The following ANKRD6 variants were observed in gnomAD, a reference collection of about 807,000 sequenced individuals.
ANKRD6 encodes the protein ankyrin repeat domain-containing protein 6.
ANKRD6 carries 56 observed loss-of-function variants against 82.3 expected under a neutral mutation model. The ratio of observed to expected loss-of-function variants is 0.68; its 90% CI spans 0.55 to 0.85. The LOEUF (loss-of-function observed/expected upper bound fraction) is 0.85. Among genes scored for constraint, ANKRD6 ranks in the 40% least tolerant of loss-of-function variants. The pLI is 0.00. For missense variants in ANKRD6, 852 were observed against 907.6 expected, an observed-to-expected ratio of 0.94 and a Z score of 0.79; for synonymous variants, 347 against 352.1, an observed-to-expected ratio of 0.99 and a Z score of 0.16.
At chr6:89,454,962 T>G (rs1773323982) in intron 1 of ANKRD6, among the ~76,000 whole-genome samples, 1 of 152,112 alleles carries the variant, frequency 6.6e-6, no homozygotes, top group Non-Finnish European at 1.5e-5. Context: ...TGCCTCAGCC[T>G]CCCGAGTAGC....
At chr6:89,627,751 G>T in intron 14 of ANKRD6, 55 bp downstream of exon 14, 1 of 1,538,148 alleles carries the variant, frequency 6.5e-7, no homozygotes, top group South Asian at 1.1e-5. Context: ...CAGGCCCACT[G>T]AGCTCAGGCA....
chr6:89,495,157 C>T (rs1180087783), intron 1 of ANKRD6, among the ~76,000 whole-genome samples: 2 of 152,192 alleles, frequency 1.3e-5, no homozygotes, highest in East Asian at 1.9e-4. Context: ...GGCATGAACC[C>T]GGGAGGCGGA....
At chr6:89,435,116 G>A (rs1222322744) in intron 1 of ANKRD6, among the ~76,000 whole-genome samples, 1 of 152,152 alleles carries the variant, frequency 6.6e-6, no homozygotes, top group Non-Finnish European at 1.5e-5. Flanking sequence ...GACTGCCTGC[G>A]ATCCAACTCA....
At chr6:89,464,183 A>G (rs1774547006) in intron 1 of ANKRD6, among the ~76,000 whole-genome samples, 2 of 152,110 alleles carry the variant, frequency 1.3e-5, no homozygotes, top group Non-Finnish European at 2.9e-5. Context: ...TAATAAGTTA[A>G]TTGTAACACT....
Position 89,433,870 on chromosome 6 carries a change from G to A in ANKRD6, c.-144+495G>A, listed in dbSNP as rs1562490939. 6.6e-6 allele frequency among the ~76,000 whole-genome samples: 1 copy of A among 152,232 alleles called. No homozygotes were observed. Among genetic ancestry groups the A allele is most frequent in the Non-Finnish European group, 1.5e-5 (1 of 68,040 alleles). On this transcript the variant is annotated intron_variant, in intron 1 of 15. Transcript: ENST00000339746. This position sits in a 1 kb window ranked among gnomAD's most constrained non-coding sequence, Gnocchi z 4.3. ...GCCGATACCCCTCAGGAGCCCCATCGGCGAAGCCTCAGCAAGTGGCATCTC... is the reference window on the plus strand; with the variant it reads ...GCCGATACCCCTCAGGAGCCCCATCAGCGAAGCCTCAGCAAGTGGCATCTC...
At chr6:89,531,886 G>A (rs984704274) in intron 1 of ANKRD6, among the ~76,000 whole-genome samples, 1 of 152,218 alleles carries the variant, frequency 6.6e-6, no homozygotes, top group African/African-American at 2.4e-5. Context: ...AATCTGTAGG[G>A]TGGGTTGGCA....
intron 10 of ANKRD6, among the ~76,000 whole-genome samples, chr6:89,622,243 A>G (rs1333770564): frequency 1.3e-5 from 2 of 152,082 alleles, no homozygotes; most frequent in East Asian, 1.9e-4. Context: ...TGCGCTGCCC[A>G]TTACCCGTCC....
intron 1 of ANKRD6, among the ~76,000 whole-genome samples, chr6:89,465,405 G>A (rs1410766999): frequency 6.6e-6 from 1 of 152,012 alleles, no homozygotes; most frequent in Non-Finnish European, 1.5e-5. Flanking sequence ...ACAAGTATGA[G>A]CCACTGCACC....
intron 1 of ANKRD6, among the ~76,000 whole-genome samples, chr6:89,477,664 G>T (rs977752773): frequency 6.6e-6 from 1 of 151,312 alleles, no homozygotes; most frequent in Non-Finnish European, 1.5e-5. Flanking sequence ...CCAGCTACTC[G>T]GGAGGCTGAG....
intron 11 of ANKRD6, 28 bp from the exon 12 acceptor site, chr6:89,623,844 A>G (rs753313648): frequency 4.1e-5 from 66 of 1,599,874 alleles, no homozygotes; most frequent in Middle Eastern, 2.0e-4. Context: ...CAAAGCGTTC[A>G]GGGGTGTTGT....
chr6:89,544,968 C>T (rs1331484996), intron 1 of ANKRD6, among the ~76,000 whole-genome samples: 3 of 151,760 alleles, frequency 2.0e-5, no homozygotes, highest in Admixed American at 6.6e-5. Context: ...AATCCCAGCA[C>T]TTCGGGAGGC....
Position 89,612,353 on chromosome 6 carries a change from G to A in ANKRD6, c.499G>A (p.Ala167Thr), listed in dbSNP as rs552443525. Residue 167 changes from alanine (A) to threonine (T), a missense_variant, in exon 6 of 16, where the codon GCT (alanine) becomes ACT (threonine). Coordinates refer to ENST00000339746, the MANE Select transcript of ANKRD6 (RefSeq NM_001242809.2). ...TRVLLLAGSR[A>T]DLKNNAGDTC... ...CGTCCTCCTGCTGGCCGGGTCCCGC[G>A]CTGACCTCAAAAATAATGTGGGTGA... is the stretch of plus-strand genomic sequence containing the variant. The A allele has an allele frequency of 2.4e-5, 38 of 1,558,580 alleles. 1 individual carries two copies. In the South Asian group the frequency reaches 3.3e-4, roughly 14 times the overall value.
chr6:89,489,228 T>C (rs1057183836), intron 1 of ANKRD6, among the ~76,000 whole-genome samples: 1 of 152,214 alleles, frequency 6.6e-6, no homozygotes, highest in Admixed American at 6.5e-5. Context: ...TTGAGAACTT[T>C]GGTCCTTCCC....
At chr6:89,569,600 A>G (rs1482036242) in intron 2 of ANKRD6, among the ~76,000 whole-genome samples, 1 of 152,168 alleles carries the variant, frequency 6.6e-6, no homozygotes, top group East Asian at 1.9e-4. Context: ...AGTTCTCTAG[A>G]GTATATTCCT....
intron 1 of ANKRD6, among the ~76,000 whole-genome samples, chr6:89,566,260 C>T (rs1788496333): frequency 6.6e-6 from 1 of 152,236 alleles, no homozygotes. Flanking sequence ...GCCCAGCTCT[C>T]CATCTGTTCC....
intron 2 of ANKRD6, among the ~76,000 whole-genome samples, chr6:89,582,058 C>T (rs144936976): frequency 1.3e-5 from 2 of 152,310 alleles, no homozygotes; most frequent in South Asian, 2.1e-4. Flanking sequence ...CATCAAAAAT[C>T]TCTGGGGAAG....
chr6:89,563,792 G>C, intron 1 of ANKRD6, among the ~76,000 whole-genome samples: 1 of 152,234 alleles, frequency 6.6e-6, no homozygotes, highest in South Asian at 2.1e-4. Flanking sequence ...AAGAAGCAGA[G>C]TGTCTTCTCA....
intron 1 of ANKRD6, among the ~76,000 whole-genome samples, chr6:89,486,676 C>T (rs754756336): frequency 6.6e-6 from 1 of 152,074 alleles, no homozygotes; most frequent in Non-Finnish European, 1.5e-5. Context: ...GTCTCACCAT[C>T]TTGCCTAGGC....
rs550468652 is a variant in ANKRD6, at chr6:89,456,202, A to G, written c.-144+22827A>G. 2.6e-5 allele frequency among the ~76,000 whole-genome samples: 4 copies of G among 152,028 alleles called. No homozygotes were observed. The East Asian group carries it at 5.8e-4, about 22-fold the overall frequency. ...ACACCATTGATGAGGGATCTGCCCC[A>G]CCCCTATGACCCAGTCACCTCCCAG... On this transcript the variant is annotated intron_variant, in intron 1 of 15. Coordinates refer to ENST00000339746, the MANE Select transcript of ANKRD6 (RefSeq NM_001242809.2).
Sources: gnomAD v4.1 joint callset for allele counts (sites outside exome capture counted in the v4.1 genomes callset) on GRCh38, gnomAD v4.1.1 for gene constraint, Gnocchi (gnomAD v3.1) non-coding constraint, MANE v1.5 for transcripts, NCBI Gene and HGNC (gene_info 2026-07-23, HGNC 2026-07-21) for gene names.